Variants in BMAL1 observed in about 807,000 individuals in gnomAD.
BMAL1 encodes basic helix-loop-helix ARNT like 1, also known as basic helix-loop-helix ARNT-like protein 1.
the BMAL1 span, among the ~76,000 whole-genome samples, chr11:13,384,467 G>T: frequency 6.6e-6 from 1 of 152,178 alleles, no homozygotes; most frequent in Non-Finnish European, 1.5e-5. Flanking sequence ...AACATTCATT[G>T]ATATGGTTTC....
the BMAL1 span, among the ~76,000 whole-genome samples, chr11:13,373,804 C>T: frequency 1.3e-5 from 2 of 152,158 alleles, no homozygotes; most frequent in African/African-American, 2.4e-5. Context: ...CCACCATGCC[C>T]GACTGGTTGC....
the BMAL1 span, among the ~76,000 whole-genome samples, chr11:13,386,202 G>GT: frequency 6.6e-6 from 1 of 152,100 alleles, no homozygotes; most frequent in African/African-American, 2.4e-5. Context: ...TTCTAGATCT[G>GT]TTTTTTTCCT....
chr11:13,372,322 A>G, the BMAL1 span: 1 of 1,614,230 alleles, frequency 6.2e-7, no homozygotes, highest in African/African-American at 1.3e-5. Flanking sequence ...GTAGTTCCAC[A>G]ACCAGTGAAC....
chr11:13,284,296 A>C, the BMAL1 span, among the ~76,000 whole-genome samples: 1 of 143,890 alleles, frequency 6.9e-6, no homozygotes, highest in Non-Finnish European at 1.5e-5. Context: ...TTGTTCCCCA[A>C]ATACATTTAG....
chr11:13,334,985 G>A, the BMAL1 span, among the ~76,000 whole-genome samples: 2 of 152,190 alleles, frequency 1.3e-5, no homozygotes, highest in Non-Finnish European at 2.9e-5. Flanking sequence ...CACGCATTCC[G>A]GTCACTATTT....
the BMAL1 span, among the ~76,000 whole-genome samples, chr11:13,279,095 C>G: frequency 6.6e-6 from 1 of 152,214 alleles, no homozygotes; most frequent in Admixed American, 6.5e-5. Flanking sequence ...GACCCCTCTC[C>G]CCTCTCCGCC....
At chr11:13,359,044 G>A in the BMAL1 span, among the ~76,000 whole-genome samples, 19 of 152,232 alleles carry the variant, frequency 1.2e-4, no homozygotes, top group East Asian at 2.9e-3. Context: ...GTGGGTTCTC[G>A]CGACATTTTG....
At chr11:13,321,575 T>G in the BMAL1 span, among the ~76,000 whole-genome samples, 1 of 152,168 alleles carries the variant, frequency 6.6e-6, no homozygotes, top group African/African-American at 2.4e-5. Context: ...TCTGAACATA[T>G]GAGAACACTG....
chr11:13,285,322 C>A, the BMAL1 span, among the ~76,000 whole-genome samples: 1 of 152,144 alleles, frequency 6.6e-6, no homozygotes. Flanking sequence ...TTATTGGATG[C>A]CTAGCACTGT....
chr11:13,314,230 C>CACACACACACACACACACAA, the BMAL1 span, among the ~76,000 whole-genome samples: 1 of 24,248 alleles, frequency 4.1e-5, no homozygotes, highest in African/African-American at 1.9e-4. Flanking sequence ...GGGTGGAGAC[C>CACACACACACACACACACAA]ACACACACAC....
chr11:13,345,699 T>C, the BMAL1 span, among the ~76,000 whole-genome samples: 1 of 152,198 alleles, frequency 6.6e-6, no homozygotes, highest in African/African-American at 2.4e-5. Context: ...TTAAGTAAGA[T>C]AAGTTGCCTC....
chr11:13,301,488 A>T, the BMAL1 span, among the ~76,000 whole-genome samples: 1 of 152,186 alleles, frequency 6.6e-6, no homozygotes, highest in African/African-American at 2.4e-5. Flanking sequence ...AGTCAGCTCC[A>T]TCCTTTTAGA....
At chr11:13,344,606 G>A in the BMAL1 span, among the ~76,000 whole-genome samples, 6 of 152,168 alleles carry the variant, frequency 3.9e-5, no homozygotes, top group Non-Finnish European at 8.8e-5. Context: ...GTTACCTTAG[G>A]TTCAGGGCAT....
chr11:13,303,774 C>T, the BMAL1 span, among the ~76,000 whole-genome samples: 2 of 152,144 alleles, frequency 1.3e-5, no homozygotes, highest in African/African-American at 4.8e-5. Flanking sequence ...TACCTCCCTC[C>T]CACCCACTGG....
At chr11:13,324,959 T>C in the BMAL1 span, among the ~76,000 whole-genome samples, 1 of 152,176 alleles carries the variant, frequency 6.6e-6, no homozygotes, top group African/African-American at 2.4e-5. Flanking sequence ...AGAATTACTT[T>C]AGCGGCTGTG....
the BMAL1 span, among the ~76,000 whole-genome samples, chr11:13,340,347 C>T: frequency 2.6e-5 from 4 of 152,180 alleles, no homozygotes; most frequent in Admixed American, 1.3e-4. Context: ...CTGTGGGCTT[C>T]GTCTCCCTAA....
At chr11:13,300,180 G>A in the BMAL1 span, among the ~76,000 whole-genome samples, 1 of 152,078 alleles carries the variant, frequency 6.6e-6, no homozygotes, top group African/African-American at 2.4e-5. Context: ...TAAAATGGCC[G>A]TATAATATTC....
At chr11:13,284,250 ATATATATATATATATATTT>A in the BMAL1 span, among the ~76,000 whole-genome samples, 1 of 28,264 alleles carries the variant, frequency 3.5e-5, no homozygotes, top group Admixed American at 3.7e-4. Flanking sequence ...ATATATATAT[ATATATATATATATATATTT>A]TTTTTTTTAA....
At chr11:13,286,518 T>C in the BMAL1 span, among the ~76,000 whole-genome samples, 1 of 152,188 alleles carries the variant, frequency 6.6e-6, no homozygotes, top group African/African-American at 2.4e-5. Context: ...TATTGTTTTC[T>C]CACCATAGCA....
Sources: gnomAD v4.1 joint callset for allele counts (sites outside exome capture counted in the v4.1 genomes callset) on GRCh38, gnomAD v4.1.1 for gene constraint, MANE v1.5 for transcripts, NCBI Gene and HGNC (gene_info 2026-07-23, HGNC 2026-07-21) for gene names.